Variants in SYN1 observed in about 807,000 individuals in gnomAD.
SYN1 encodes synapsin-1.
In SYN1, 8 loss-of-function variants were observed where a neutral mutation model predicts 44.6. The observed-to-expected ratio is 0.18, with a 90% CI of 0.11 to 0.32. The LOEUF is 0.32. Ranked by LOEUF, SYN1 falls within the 10% of genes least tolerant of loss-of-function variation. SYN1 has a pLI of 1.00. For missense variants in SYN1, 451 were observed against 639.4 expected, an observed-to-expected ratio of 0.71 and a Z score of 3.18; for synonymous variants, 275 against 280.1, an observed-to-expected ratio of 0.98 and a Z score of 0.18.
chrX:47,601,296 A>T (rs977227939), intron 5 of SYN1, among the ~76,000 whole-genome samples: 1 of 111,917 alleles, frequency 8.9e-6, no homozygotes, highest in Non-Finnish European at 1.9e-5. Context: ...TGAAATGGAC[A>T]AATTCCTAGA....
At chrX:47,577,850 T>C (rs750589556) in intron 5 of SYN1, among the ~76,000 whole-genome samples, 1 of 83,298 alleles carries the variant, frequency 1.2e-5, no homozygotes, top group South Asian at 7.1e-4. Context: ...GAGGCAAGTG[T>C]GTGCCAGTGC....
chrX:47,585,799 T>C, intron 5 of SYN1: 1 of 1,156,015 alleles, frequency 8.7e-7, no homozygotes, highest in Non-Finnish European at 1.1e-6. Flanking sequence ...GGGCTGTCCC[T>C]GATCTCTCTT....
intron 1 of SYN1, among the ~76,000 whole-genome samples, chrX:47,608,886 GACACACACAC>G (rs34092010): frequency 1.0e-4 from 9 of 89,550 alleles, no homozygotes; most frequent in African/African-American, 1.3e-4. Flanking sequence ...GTCTTGGACA[GACACACACAC>G]ACACACACAC....
chrX:47,579,001 C>T (rs1407161427), intron 5 of SYN1, among the ~76,000 whole-genome samples: 1 of 112,024 alleles, frequency 8.9e-6, no homozygotes, highest in Non-Finnish European at 1.9e-5. Context: ...GAGGCGGATG[C>T]ATACAGTACC....
At chrX:47,573,380 G>T (rs1001190153) in intron 12 of SYN1, among the ~76,000 whole-genome samples, 5 of 111,749 alleles carry the variant, frequency 4.5e-5, no homozygotes, top group African/African-American at 1.6e-4. Context: ...TGTCTAGGAG[G>T]GCATAGAAAG....
At chrX:47,578,985 G>A (rs1365207429) in intron 5 of SYN1, among the ~76,000 whole-genome samples, 1 of 112,030 alleles carries the variant, frequency 8.9e-6, no homozygotes, top group Non-Finnish European at 1.9e-5. Context: ...CCAGGGAAAC[G>A]ATGCCGAGGC....
At chrX:47,590,487 A>G (rs1036215399) in intron 5 of SYN1, among the ~76,000 whole-genome samples, 5 of 112,111 alleles carry the variant, frequency 4.5e-5, no homozygotes, top group African/African-American at 1.6e-4. Context: ...CCCAGTCCGT[A>G]GTGTTCTGAG....
chrX:47,619,791 C>G lies in SYN1; in HGVS notation c.-63G>C. 1 of 1,100,139 alleles carries G rather than the reference C, an allele frequency of 9.1e-7. No homozygotes were observed. Among genetic ancestry groups the G allele is most frequent in the Non-Finnish European group, 1.2e-6 (1 of 822,980 alleles). 90.7% of individuals were successfully genotyped at this position (1,100,139 alleles called of 1,213,427 possible). Reference sequence around the variant, plus strand: ...GGCCAGGAGCCGCGGGGGCGGACTGCGCGGTGCCCAGGAGCACAGCTGCGC... The same window carrying G: ...GGCCAGGAGCCGCGGGGGCGGACTGGGCGGTGCCCAGGAGCACAGCTGCGC... On this transcript the variant is annotated 5_prime_UTR_variant, in exon 1 of 13. Transcript: ENST00000295987.
At chrX:47,580,583 A>G (rs1334757865) in intron 5 of SYN1, among the ~76,000 whole-genome samples, 1 of 106,748 alleles carries the variant, frequency 9.4e-6, no homozygotes, top group Non-Finnish European at 1.9e-5. Flanking sequence ...GTGAGCCAAG[A>G]TCTTGCCATT....
intron 10 of SYN1, 144 bp from the exon 11 acceptor site, chrX:47,574,919 G>T (rs969751660): frequency 1.0e-5 from 7 of 688,326 alleles, no homozygotes; most frequent in Non-Finnish European, 1.3e-5. Flanking sequence ...TGGGGTGGGG[G>T]ACCTGTTCCC....
chrX:47,617,576 A>G (rs1466247055), intron 1 of SYN1, among the ~76,000 whole-genome samples: 1 of 110,928 alleles, frequency 9.0e-6, no homozygotes, highest in Non-Finnish European at 1.9e-5. Context: ...AGGGGTGATC[A>G]TTATAAACTC....
intron 5 of SYN1, chrX:47,586,583 C>T: frequency 8.3e-7 from 1 of 1,211,970 alleles, no homozygotes. Flanking sequence ...TGTGGACGGA[C>T]CAGCTCCTCC....
intron 5 of SYN1, chrX:47,585,694 C>T (rs761854689): frequency 4.1e-6 from 5 of 1,207,588 alleles, no homozygotes; most frequent in South Asian, 1.8e-5. Context: ...TGACCTCCAA[C>T]GGGAGATCCT....
chrX:47,613,579 T>A (rs184634959), intron 1 of SYN1, among the ~76,000 whole-genome samples: 1 of 111,700 alleles, frequency 9.0e-6, no homozygotes, highest in African/African-American at 3.3e-5. Flanking sequence ...GCCAGCTCAC[T>A]GTCTAAGGGC....
chrX:47,606,736 T>A (rs2057898402), intron 3 of SYN1, among the ~76,000 whole-genome samples: 1 of 99,619 alleles, frequency 1.0e-5, no homozygotes, highest in African/African-American at 4.1e-5. Context: ...CTGAAATATA[T>A]ATATATATAT....
intron 1 of SYN1, among the ~76,000 whole-genome samples, chrX:47,608,882 G>GAC (rs1380141808): frequency 1.3e-5 from 1 of 76,463 alleles, no homozygotes; most frequent in Admixed American, 1.5e-4. Flanking sequence ...CAGGGTCTTG[G>GAC]ACAGACACAC....
At chrX:47,599,778 G>A (rs904960014) in intron 5 of SYN1, among the ~76,000 whole-genome samples, 5 of 111,889 alleles carry the variant, frequency 4.5e-5, no homozygotes, top group African/African-American at 1.3e-4. Context: ...CAGCACAAAC[G>A]GTAAAGGGTT....
intron 2 of SYN1, 50 bp from the exon 3 acceptor site, chrX:47,607,086 C>T: frequency 2.5e-6 from 3 of 1,206,131 alleles, no homozygotes; most frequent in African/African-American, 1.7e-5. Context: ...ACAAAAATGG[C>T]CACTCAGTTT....
In SYN1 at chrX:47,574,757, G is replaced by A; in HGVS notation, c.1324C>T (p.Leu442=). The A allele has an allele frequency of 8.4e-7, 1 of 1,187,420 alleles. No homozygotes were observed. The highest frequency in any genetic ancestry group is 1.1e-6 in the Non-Finnish European group (1 of 883,500). The change falls in exon 11 of 13, where the codon CTG becomes TTG. Residue 442 remains leucine, a synonymous_variant. Transcript: ENST00000295987. ...SHGQTPSPGA[L]PLGRQTSQQP... is the part of the protein sequence containing the mutation. ...TGGGAGGTCTGGCGGCCCAAGGGCA[G>A]GGCCCCTGGGGACGGAGTCTGCGGC... is the stretch of plus-strand genomic sequence containing the variant.
Sources: gnomAD v4.1 joint callset for allele counts (sites outside exome capture counted in the v4.1 genomes callset) on GRCh38, gnomAD v4.1.1 for gene constraint, MANE v1.5 for transcripts, NCBI Gene and HGNC (gene_info 2026-07-23, HGNC 2026-07-21) for gene names.